The following PRR22 variants were observed in gnomAD, a reference collection of about 807,000 sequenced individuals.
PRR22 encodes the protein proline rich 22.
Under a neutral mutation model 7.2 loss-of-function variants are expected in PRR22, and 5 were observed. The observed-to-expected ratio is 0.69, with a 90% CI of 0.36 to 1.45. The LOEUF is 1.45. Among genes scored for constraint, PRR22 ranks in the 40% most tolerant of loss-of-function variants. The pLI, the probability that PRR22 is intolerant of heterozygous loss-of-function variation, is 0.03. For missense variants in PRR22, 619 were observed against 568.8 expected, an observed-to-expected ratio of 1.09 and a Z score of -0.90; for synonymous variants, 319 against 269.3, an observed-to-expected ratio of 1.18 and a Z score of -1.81.
chr19:5,784,228 C>T (rs2056818979), intron 2 of PRR22, 149 bp downstream of exon 2: 5 of 1,079,096 alleles, frequency 4.6e-6, no homozygotes, highest in Admixed American at 1.7e-5. Flanking sequence ...CAGAGCTTGT[C>T]TTTGGGGCTC....
Position 5,784,650 on chromosome 19 carries a change from G to A in PRR22, c.11C>T (p.Pro4Leu). ...AGCTGCAGGGGCACAGAACGGTTTG[G>A]GGTGCTGCATGGGGCAGCGGGGGGC... Reference protein sequence around the residue: MQHPKPFCAPAAPQ... With the variant: MQHLKPFCAPAAPQ... Residue 4 changes from proline (P) to leucine (L), a missense_variant, in exon 1 of 3, where the codon CCC (proline) becomes CTC (leucine). Physicochemically the swap from Pro to Leu is moderately conservative, Grantham distance 98 (BLOSUM62 -3). Coordinates refer to ENST00000419421, the MANE Select transcript of PRR22 (RefSeq NM_001134316.2). 2 of 1,534,512 alleles carry A rather than the reference G, an allele frequency of 1.3e-6. No individual in the cohort carries two copies. Among genetic ancestry groups the A allele is most frequent in the Non-Finnish European group, 1.7e-6 (2 of 1,146,766 alleles).
chr19:5,784,123 G>T, intron 2 of PRR22, 70 bp from the exon 3 acceptor site: 1 of 1,424,070 alleles, frequency 7.0e-7, no homozygotes, highest in Non-Finnish European at 9.9e-7. Flanking sequence ...CTGGGGGCCT[G>T]TTTGGGAGAT....
rs1165466144 is a variant in PRR22 at position 5,783,127 on chromosome 19, T to C, written c.1120A>G (p.Thr374Ala). Residue 374 changes from threonine (T) to alanine (A), a missense_variant, in exon 3 of 3, where the codon ACC (threonine) becomes GCC (alanine). Transcript: ENST00000419421. ...GACAGAATGGGGGCCGGGGTGTTGG[T>C]GGCAGGGGGCCCCGGGTGGGGCGGC... ...EQPPHPGPPA[T>A]NTPAPILSGK... The C allele has an allele frequency of 1.2e-6, 2 of 1,612,166 alleles. No homozygotes were observed. Among genetic ancestry groups the C allele is most frequent in the Admixed American group, 3.3e-5 (2 of 59,970 alleles).
chr19:5,784,469 G>A lies in PRR22; in HGVS notation c.131-30C>T, dbSNP rs761409390. The A allele has an allele frequency of 9.7e-6, 15 of 1,550,866 alleles. No homozygotes were observed. The Admixed American group carries it at 9.8e-5, about 10-fold the overall frequency. The stretch of plus-strand genomic sequence containing the variant: ...GGACAAAGGTGCCCAGGTGGGTAGG[G>A]CCCTTAGGCGGGTGGGCCCCTGAAC... On this transcript the variant is annotated intron_variant, in intron 1 of 2. Transcript: ENST00000419421.
chr19:5,784,304 G>A, intron 2 of PRR22, 73 bp downstream of exon 2: 1 of 1,511,222 alleles, frequency 6.6e-7, no homozygotes, highest in African/African-American at 1.4e-5. Flanking sequence ...CTTAGGGACG[G>A]GGCAGGGGCA....
In PRR22 at chr19:5,783,992, G is replaced by A; in HGVS notation, c.255C>T (p.Thr85=). ...FDPRIYRIEW[T]TPDLGQSALY... is the part of the protein sequence containing the mutation. ...GGGCTGACTGGCCCAGGTCGGGGGT[G>A]GTCCACTCGATCCGATAGATGCGGG... is the stretch of plus-strand genomic sequence containing the variant. Residue 85 remains threonine, a synonymous_variant, in exon 3 of 3, where the codon ACC becomes ACT. Transcript: ENST00000419421. 1 of 1,610,180 alleles carries A rather than the reference G, an allele frequency of 6.2e-7. No homozygotes were observed. The highest frequency in any genetic ancestry group is 1.1e-5 in the South Asian group (1 of 90,976).
At position 5,784,554 on chromosome 19, in the gene PRR22, C is replaced by G; in HGVS notation, c.107G>C (p.Cys36Ser). The G allele has an allele frequency of 1.9e-6, 3 of 1,548,534 alleles. No homozygotes were observed. The highest frequency in any genetic ancestry group is 2.6e-6 in the Non-Finnish European group (3 of 1,146,904). Residue 36 changes from cysteine (C) to serine (S), a missense_variant, in exon 1 of 3, where the codon TGT becomes TCT. By Grantham distance (112) the Cys-to-Ser change is moderately radical. Coordinates refer to ENST00000419421, the MANE Select transcript of PRR22 (RefSeq NM_001134316.2). ...ACCCATAGCGGGAGGAGGCTCGGCACAGGTGGGAGCAGGCTGGTTGCCCAG... is the reference window on the plus strand; with the variant it reads ...ACCCATAGCGGGAGGAGGCTCGGCAGAGGTGGGAGCAGGCTGGTTGCCCAG... ...EVLGNQPAPT[C>S]AEPPPAMGSL...
Position 5,783,853 on chromosome 19 carries a change from G to T in PRR22, c.394C>A (p.His132Asn). 6.4e-7 allele frequency: 1 copy of T among 1,559,304 alleles called. No homozygotes were observed. Among genetic ancestry groups the T allele is most frequent in the Non-Finnish European group, 8.7e-7 (1 of 1,152,286 alleles). Residue 132 changes from histidine to asparagine, a missense_variant, in exon 3 of 3, where the codon CAC becomes AAC. His to Asn is a moderately conservative substitution (Grantham distance 68). Transcript: ENST00000419421. The stretch of plus-strand genomic sequence containing the variant: ...GGCCCCCCGGGTGCCTGCTGGTAGT[G>T]GGGGTATGGAGGCAGCCCCGGGGCC... ...LKAPGLPPYP[H>N]YQQAPGGPQF...
At position 5,783,475 on chromosome 19, in the gene PRR22, C is replaced by CCTCGGCCACCTTGAG; in HGVS notation, c.757_771dup (p.Leu253_Glu257dup). ...GCTCCCAGCAGGGCCCCCTCCTTGA[C>CCTCGGCCACCTTGAG]CTCGGCCACCTTGAGCTCGCTGAGG... On this transcript the variant is annotated inframe_insertion, in exon 3 of 3. Transcript: ENST00000419421. 1 of 1,605,006 alleles carries CCTCGGCCACCTTGAG rather than the reference C, an allele frequency of 6.2e-7. No individual in the cohort carries two copies. The highest frequency in any genetic ancestry group is 8.5e-7 in the Non-Finnish European group (1 of 1,175,878).
chr19:5,783,540 C>T lies in PRR22; in HGVS notation c.707G>A (p.Gly236Asp), dbSNP rs958507257. The T allele has an allele frequency of 2.5e-6, 4 of 1,603,462 alleles. No individual in the cohort carries two copies. The highest frequency in any genetic ancestry group is 3.4e-5 in the Admixed American group (2 of 57,980). ...GGGCACCCCAGGTCGGGCCCCACTG[C>T]CCTGCAGCTCCTTGACGGGGAAGGC... ...PLAFPVKELQGSGARPGVPLY... is the reference protein window; with the variant it reads ...PLAFPVKELQDSGARPGVPLY... The change falls in exon 3 of 3, where the codon GGC (glycine) becomes GAC (aspartate). Residue 236 changes from glycine to aspartate, a missense_variant. By Grantham distance (94) the Gly-to-Asp change is moderately conservative. Transcript: ENST00000419421.
Position 5,783,518 on chromosome 19 carries a change from C to T in PRR22, c.729G>A (p.Val243=), listed in dbSNP as rs761883360. The T allele has an allele frequency of 6.2e-7, 1 of 1,602,950 alleles. No homozygotes were observed. Among genetic ancestry groups the T allele is most frequent in the Non-Finnish European group, 8.5e-7 (1 of 1,175,604 alleles). ...CGCTGAGGCCCGGTGGGTACAGGGGCACCCCAGGTCGGGCCCCACTGCCCT... is the reference window on the plus strand; with the variant it reads ...CGCTGAGGCCCGGTGGGTACAGGGGTACCCCAGGTCGGGCCCCACTGCCCT... The part of the protein sequence containing the change: ...ELQGSGARPG[V]PLYPPGLSEL... The change falls in exon 3 of 3, where the codon GTG becomes GTA. Residue 243 remains valine (V), a synonymous_variant. Transcript: ENST00000419421.
In PRR22 at chr19:5,783,549, T is replaced by C; in HGVS notation, c.698A>G (p.Glu233Gly). ...GPEPLAFPVK[E>G]LQGSGARPGV... Reference sequence around the variant, plus strand: ...AGGTCGGGCCCCACTGCCCTGCAGCTCCTTGACGGGGAAGGCCAGGGGTTC... The same window carrying C: ...AGGTCGGGCCCCACTGCCCTGCAGCCCCTTGACGGGGAAGGCCAGGGGTTC... The change falls in exon 3 of 3, where the codon GAG becomes GGG. Residue 233 changes from glutamate (E) to glycine (G), a missense_variant. Physicochemically the swap from Glu to Gly is moderately conservative, Grantham distance 98 (BLOSUM62 -2). Transcript: ENST00000419421. 6.2e-7 allele frequency: 1 copy of C among 1,604,790 alleles called. No homozygotes were observed. Among genetic ancestry groups the C allele is most frequent in the Non-Finnish European group, 8.5e-7 (1 of 1,176,772 alleles).
chr19:5,784,307 C>A, intron 2 of PRR22, 70 bp downstream of exon 2: 1 of 1,522,372 alleles, frequency 6.6e-7, no homozygotes, highest in Non-Finnish European at 9.0e-7. Flanking sequence ...AGGGACGGGG[C>A]AGGGGCAAGA....
In PRR22 at chr19:5,783,641, T is replaced by C; in HGVS notation, c.606A>G (p.Ala202=). 1 of 1,435,238 alleles carries C rather than the reference T, an allele frequency of 7.0e-7. No individual in the cohort carries two copies. The highest frequency in any genetic ancestry group is 1.6e-5 in the African/African-American group (1 of 64,420). 88.9% of individuals were successfully genotyped at this position (1,435,238 alleles called of 1,614,324 possible). The change falls in exon 3 of 3, where the codon GCA becomes GCG. Residue 202 remains alanine (A), a synonymous_variant. Transcript: ENST00000419421. The part of the protein sequence containing the change: ...KPPPVLITLP[A]EPTLPPDAYS... ...AGGCGTCTGGGGGCAGTGTGGGCTC[T>C]GCAGGCAGCGTGATGAGTACAGGGG...
At position 5,783,701 on chromosome 19, in the gene PRR22, C is replaced by CCCGG; in HGVS notation, c.545_546insCCGG (p.Leu183ArgfsTer101). 8.1e-7 allele frequency: 1 copy of CCCGG among 1,234,594 alleles called. No homozygotes were observed. The highest frequency in any genetic ancestry group is 1.1e-6 in the Non-Finnish European group (1 of 944,414). The allele number at this position is 1,234,594 out of a possible 1,614,324, so 76.5% of individuals were successfully genotyped here. A position where few individuals can be genotyped will look rare whatever the true frequency, so the allele number is the denominator to read the frequency against. ...TCTCCTTGGGGGGTGGGGGTGGCAG[C>CCCGG]GGGGCCGGGCCTTCCTCTAGGGGCG... is the stretch of plus-strand genomic sequence containing the variant. On this transcript the variant is annotated frameshift_variant, in exon 3 of 3. Coordinates refer to ENST00000419421, the MANE Select transcript of PRR22 (RefSeq NM_001134316.2). LOFTEE classifies it low-confidence loss of function (END_TRUNC).
chr19:5,783,313 G>A lies in PRR22; in HGVS notation c.934C>T (p.Pro312Ser). 6.2e-7 allele frequency: 1 copy of A among 1,612,796 alleles called. No individual in the cohort carries two copies. The highest frequency in any genetic ancestry group is 8.5e-7 in the Non-Finnish European group (1 of 1,179,956). ...PEGTLCEVPGPALPDSSGGNS... is the reference protein window; with the variant it reads ...PEGTLCEVPGSALPDSSGGNS... The stretch of plus-strand genomic sequence containing the variant: ...CCACCACTGCTGTCAGGCAGGGCCG[G>A]CCCAGGGACCTCGCACAGGGTACCC... The change falls in exon 3 of 3, where the codon CCG becomes TCG. Residue 312 changes from proline (P) to serine (S), a missense_variant. Pro to Ser is a moderately conservative substitution (Grantham distance 74). Transcript: ENST00000419421.
chr19:5,784,478 C>A, intron 1 of PRR22, 39 bp from the exon 2 acceptor site: 1 of 1,550,008 alleles, frequency 6.5e-7, no homozygotes, highest in Non-Finnish European at 8.7e-7. Flanking sequence ...GGCCCTTAGG[C>A]GGGTGGGCCC....
At position 5,783,294 on chromosome 19, in the gene PRR22, C is replaced by G; in HGVS notation, c.953G>C (p.Ser318Thr). 6.2e-7 allele frequency: 1 copy of G among 1,612,866 alleles called. No homozygotes were observed. The highest frequency in any genetic ancestry group is 8.5e-7 in the Non-Finnish European group (1 of 1,179,986). The change falls in exon 3 of 3, where the codon AGT becomes ACT. Residue 318 changes from serine (S) to threonine (T), a missense_variant. Physicochemically the swap from Ser to Thr is moderately conservative, Grantham distance 58. Transcript: ENST00000419421. Reference sequence around the variant, plus strand: ...GATGTCATCGGCTGAGTTCCCACCACTGCTGTCAGGCAGGGCCGGCCCAGG... The same window carrying G: ...GATGTCATCGGCTGAGTTCCCACCAGTGCTGTCAGGCAGGGCCGGCCCAGG... ...EVPGPALPDS[S>T]GGNSADDIRS...
At position 5,784,319 on chromosome 19, in the gene PRR22, G is replaced by A. The variant is rs778466542; in HGVS notation, c.193+58C>T. ...CTTAGGGACGGGGCAGGGGCAAGAT[G>A]GGCCTGCACACTCAAACCCACTCCC... is the stretch of plus-strand genomic sequence containing the variant. On this transcript the variant is annotated intron_variant, in intron 2 of 2. Transcript: ENST00000419421. The A allele has an allele frequency of 5.8e-6, 9 of 1,560,674 alleles. No homozygotes were observed. In the African/African-American group the frequency reaches 1.2e-4, roughly 21 times the overall value.
Sources: allele counts gnomAD v4.1 joint callset, GRCh38; gene constraint gnomAD v4.1.1; transcripts MANE v1.5; gene names NCBI Gene and HGNC (gene_info 2026-07-23, HGNC 2026-07-21).